The following POLI variants were observed in gnomAD, a reference collection of about 807,000 sequenced individuals.
POLI encodes RAD30 homolog B.
Under a neutral mutation model 51.6 loss-of-function variants are expected in POLI, and 58 were observed. That is an observed-to-expected ratio of 1.12 (90% confidence interval 0.91 to 1.40). The LOEUF is 1.40. Among genes scored for constraint, POLI ranks in the 40% most tolerant of loss-of-function variants. The probability of loss-of-function intolerance (pLI) is 0.00; values close to 1 mark genes in which losing one functional copy is unlikely to be tolerated. For missense variants in POLI, 921 were observed against 871.3 expected, an observed-to-expected ratio of 1.06 and a Z score of -0.72; for synonymous variants, 322 against 299.7, an observed-to-expected ratio of 1.07 and a Z score of -0.77.
intron 4 of POLI, among the ~76,000 whole-genome samples, 188 bp from the exon 5 acceptor site, chr18:54,280,479 C>T (rs2144507615): frequency 1.3e-5 from 2 of 152,306 alleles, no homozygotes; most frequent in Middle Eastern, 3.4e-3. Context: ...ACCTCCAACA[C>T]TGGGGATCAA....
chr18:54,298,822 C>T (rs192585272), downstream of POLI, among the ~76,000 whole-genome samples: 168 of 151,890 alleles, frequency 1.1e-3, 1 homozygote, highest in Middle Eastern at 0.017. Context: ...CTCCTGACCT[C>T]GTGATCTGCC....
At position 54,309,412 on chromosome 18, in the gene POLI, G is replaced by A. The variant is rs143178976; in HGVS notation, c.334-10861G>A. On this transcript the variant is annotated intron_variant, in intron 3 of 4. Transcript: ENST00000579823. ...CCCTGTTTTCCTGGGTATCACCAGC[G>A]GAGGCTGCAGAAAAGCAAATATTGC... Among the ~76,000 whole-genome samples, 635 of 152,264 alleles carry A rather than the reference G, an allele frequency of 4.2e-3. 4 individuals are homozygous for A. Among genetic ancestry groups the A allele is most frequent in the African/African-American group, 0.013 (547 of 41,566 alleles).
chr18:54,286,139 C>T (rs977059983), intron 7 of POLI, among the ~76,000 whole-genome samples: 7 of 152,208 alleles, frequency 4.6e-5, no homozygotes, highest in Non-Finnish European at 1.0e-4. Context: ...GTTGGGATTA[C>T]AGGTACGAGG....
At chr18:54,312,202 G>A (rs980374658) in intron 3 of POLI, among the ~76,000 whole-genome samples, 1 of 152,116 alleles carries the variant, frequency 6.6e-6, no homozygotes, top group African/African-American at 2.4e-5. Context: ...AGAAAACGCA[G>A]TATTTGATTT....
downstream of POLI, among the ~76,000 whole-genome samples, chr18:54,299,707 T>C (rs928335061): frequency 1.1e-4 from 17 of 152,084 alleles, no homozygotes; most frequent in Non-Finnish European, 2.2e-4. Context: ...GTAAAAAATA[T>C]GTGAAGAAAC....
chr18:54,276,062 T>A (rs1387536805), intron 3 of POLI, among the ~76,000 whole-genome samples: 1 of 152,080 alleles, frequency 6.6e-6, no homozygotes, highest in Non-Finnish European at 1.5e-5. Flanking sequence ...GCTTATGAAG[T>A]TGATACCAAG....
chr18:54,297,491 C>G lies in POLI; in HGVS notation c.*3024C>G. 1 of 981,780 alleles carries G rather than the reference C, an allele frequency of 1.0e-6. No homozygotes were observed. The highest frequency in any genetic ancestry group is 1.2e-6 in the Non-Finnish European group (1 of 826,758). The allele number at this position is 981,780 out of a possible 1,614,324, so 60.8% of individuals were successfully genotyped here. On this transcript the variant is annotated 3_prime_UTR_variant, in exon 10 of 10. Coordinates refer to ENST00000579534, the MANE Select transcript of POLI (RefSeq NM_007195.3). ...TCTAGTGTTTTGTACTAGGAGAACT[C>G]TAAAAAGTATCTATTCCACTGTAGT...
At position 54,294,438 on chromosome 18, in the gene POLI, G is replaced by A. The variant is rs1409529544; in HGVS notation, c.2194G>A (p.Gly732Arg). The A allele has an allele frequency of 1.2e-6, 2 of 1,603,012 alleles. No individual in the cohort carries two copies. The highest frequency in any genetic ancestry group is 3.5e-5 in the Admixed American group (2 of 57,846). Reference sequence around the variant, plus strand: ...ACTGCTGGCAGAGTGGAAGAGAGCAGGATCAGATTTCCACATTGGACATAA... The same window carrying A: ...ACTGCTGGCAGAGTGGAAGAGAGCAAGATCAGATTTCCACATTGGACATAA... ...KELLAEWKRA[G>R]SDFHIGHK The change falls in exon 10 of 10, where the codon GGA (glycine) becomes AGA (arginine). Residue 732 changes from glycine to arginine, a missense_variant. Transcript: ENST00000579534.
At position 54,295,632 on chromosome 18, in the gene POLI, C is replaced by G. The variant is rs1477621046; in HGVS notation, c.*1165C>G. ...CTAGGTCTGAAATTTTCTTTTCTTTCTTTTTTTGTTTTGGAGACAGAGTCT... is the reference window on the plus strand; with the variant it reads ...CTAGGTCTGAAATTTTCTTTTCTTTGTTTTTTTGTTTTGGAGACAGAGTCT... On this transcript the variant is annotated 3_prime_UTR_variant, in exon 10 of 10. Transcript: ENST00000579534. The G allele has an allele frequency of 6.0e-6, 4 of 666,436 alleles. No individual in the cohort carries two copies. Among genetic ancestry groups the G allele is most frequent in the Non-Finnish European group, 7.4e-6 (4 of 539,876 alleles). The allele number at this position is 666,436 out of a possible 1,614,324, so 41.3% of individuals were successfully genotyped here.
downstream of POLI, among the ~76,000 whole-genome samples, chr18:54,300,775 G>A (rs968294218): frequency 1.3e-5 from 2 of 152,120 alleles, no homozygotes; most frequent in Admixed American, 1.3e-4. Context: ...TAAAAGACAC[G>A]AGTCTAACAT....
chr18:54,287,028 C>T (rs2087777406), intron 7 of POLI, among the ~76,000 whole-genome samples: 1 of 152,114 alleles, frequency 6.6e-6, no homozygotes, highest in South Asian at 2.1e-4. Context: ...TATATCTCTT[C>T]TATTTCTGAC....
chr18:54,309,094 A>G (rs1385389539), intron 3 of POLI, among the ~76,000 whole-genome samples: 1 of 152,236 alleles, frequency 6.6e-6, no homozygotes, highest in Non-Finnish European at 1.5e-5. Context: ...TCAACTCGTC[A>G]AAGTCATTCT....
chr18:54,309,897 C>A lies in POLI; in HGVS notation c.334-10376C>A, dbSNP rs181048434. On this transcript the variant is annotated intron_variant, in intron 3 of 4. Transcript: ENST00000579823. Reference sequence around the variant, plus strand: ...TGGGCATGGGACCTGCTGAGCCTTGCCTGGGATATAATCTCCTGGTGCGCC... The same window carrying A: ...TGGGCATGGGACCTGCTGAGCCTTGACTGGGATATAATCTCCTGGTGCGCC... Among the ~76,000 whole-genome samples the A allele has an allele frequency of 2.3e-3, 347 of 152,296 alleles. 2 individuals carry two copies. Among genetic ancestry groups the A allele is most frequent in the Non-Finnish European group, 1.7e-3 (119 of 68,030 alleles).
At chr18:54,306,750 G>A (rs1655888037) in intron 3 of POLI, among the ~76,000 whole-genome samples, 1 of 152,136 alleles carries the variant, frequency 6.6e-6, no homozygotes, top group Admixed American at 6.6e-5. Flanking sequence ...CTCAATTTCA[G>A]AGCCTGTTAT....
chr18:54,310,362 A>T (rs963595240), intron 3 of POLI, among the ~76,000 whole-genome samples: 1 of 152,178 alleles, frequency 6.6e-6, no homozygotes, highest in South Asian at 2.1e-4. Context: ...CTTATCTCCT[A>T]TCTTCAAACT....
chr18:54,314,880 C>T (rs958196430), intron 3 of POLI, among the ~76,000 whole-genome samples: 17 of 152,060 alleles, frequency 1.1e-4, no homozygotes, highest in African/African-American at 3.6e-4. Context: ...GATTAGTGGT[C>T]TATCAATCTT....
intron 3 of POLI, among the ~76,000 whole-genome samples, chr18:54,316,364 G>T (rs946588607): frequency 2.0e-5 from 3 of 152,110 alleles, no homozygotes; most frequent in Non-Finnish European, 4.4e-5. Context: ...AGCTTTTCTT[G>T]TGATTTCATC....
At chr18:54,282,146 T>G (rs1210498223) in intron 5 of POLI, among the ~76,000 whole-genome samples, 1 of 152,198 alleles carries the variant, frequency 6.6e-6, no homozygotes, top group Admixed American at 6.5e-5. Flanking sequence ...TTACCTAATA[T>G]GTACACTTAA....
chr18:54,320,183 C>T (rs1421944944), intron 3 of POLI: 3 of 152,156 alleles, frequency 2.0e-5, no homozygotes, highest in African/African-American at 4.8e-5. Context: ...AGAAGACAGT[C>T]TCCCTTTAGT....
Sources: allele counts gnomAD v4.1 joint callset (sites outside exome capture counted in the v4.1 genomes callset), GRCh38; gene constraint gnomAD v4.1.1; transcripts MANE v1.5; gene names NCBI Gene and HGNC (gene_info 2026-07-23, HGNC 2026-07-21).